PHKA1: variants seen among roughly 807,000 people sequenced by gnomAD.
PHKA1 encodes phosphorylase b kinase regulatory subunit alpha, skeletal muscle isoform.
PHKA1 carries 60 observed loss-of-function variants against 110.2 expected under a neutral mutation model. The observed-to-expected ratio is 0.54, with a 90% confidence interval of 0.44 to 0.68. PHKA1 has a LOEUF of 0.68. PHKA1 is among the 30% of genes least tolerant of loss of function. The pLI is 0.00. For synonymous variants in PHKA1, 316 were observed against 333.6 expected (o/e 0.95, Z 0.58); for missense variants, 801 against 942.5 (o/e 0.85, Z 1.97).
At position 72,602,129 on chromosome X, in the gene PHKA1, C is replaced by T. The variant is rs782094563; in HGVS notation, c.3033+29G>A. Reference sequence around the variant, plus strand: ...AGAATGTTCTGAAACATGGCAATATCCCAGCTAATCTCCCAGGTAGTATCT... The same window carrying T: ...AGAATGTTCTGAAACATGGCAATATTCCAGCTAATCTCCCAGGTAGTATCT... On this transcript the variant is annotated intron_variant, in intron 27 of 31. Coordinates refer to ENST00000373542, the MANE Select transcript of PHKA1 (RefSeq NM_002637.4). The T allele has an allele frequency of 1.0e-5, 11 of 1,063,092 alleles. No individual in the cohort carries two copies. The South Asian group carries it at 2.1e-4, about 20-fold the overall frequency. 87.6% of individuals were successfully genotyped at this position (1,063,092 alleles called of 1,213,427 possible).
chrX:72,713,721 C>CGGAGTTCA, intron 1 of PHKA1, 82 bp downstream of exon 1: 1 of 751,650 alleles, frequency 1.3e-6, no homozygotes, highest in South Asian at 2.2e-5. Context: ...CACGCACGCA[C>CGGAGTTCA]GGAGTTCATC....
chrX:72,605,676 T>C, intron 23 of PHKA1, 57 bp from the exon 24 acceptor site: 2 of 908,743 alleles, frequency 2.2e-6, no homozygotes, highest in Non-Finnish European at 3.2e-6. Flanking sequence ...ATCTTAAATA[T>C]GTTGAAAAAA....
chrX:72,698,145 T>G (rs1556328166), intron 3 of PHKA1, among the ~76,000 whole-genome samples: 1 of 109,848 alleles, frequency 9.1e-6, no homozygotes, highest in African/African-American at 3.3e-5. Flanking sequence ...AGCTGACAAC[T>G]GTGTAGGGTT....
At chrX:72,682,523 GC>G (rs2053914473) in intron 5 of PHKA1, among the ~76,000 whole-genome samples, 1 of 108,708 alleles carries the variant, frequency 9.2e-6, no homozygotes, top group Non-Finnish European at 1.9e-5. Flanking sequence ...TCGGATGGTT[GC>G]CGTGTCTGTG....
chrX:72,659,252 T>C (rs1455774858), intron 8 of PHKA1, among the ~76,000 whole-genome samples: 1 of 111,606 alleles, frequency 9.0e-6, no homozygotes, highest in African/African-American at 3.3e-5. Context: ...GAAGCACTTT[T>C]CAGATGGTTC....
intron 26 of PHKA1, among the ~76,000 whole-genome samples, chrX:72,602,896 A>T (rs1457349258): frequency 1.8e-5 from 2 of 112,167 alleles, no homozygotes; most frequent in Non-Finnish European, 3.8e-5. Flanking sequence ...AACAGTTAAA[A>T]ATGAAACATG....
intron 5 of PHKA1, among the ~76,000 whole-genome samples, chrX:72,683,437 G>C (rs781809041): frequency 1.4e-4 from 15 of 109,813 alleles, no homozygotes; most frequent in South Asian, 3.8e-4. Context: ...AACAGAAACA[G>C]AAATGGAAAC....
chrX:72,580,883 G>C lies in PHKA1; in HGVS notation c.*119C>G. ...GAAAAAGTTCTCTCTTCTTGGGAAG[G>C]ATGGGACAGAAAGGGGCAGGGTTGG... is the stretch of plus-strand genomic sequence containing the variant. On this transcript the variant is annotated 3_prime_UTR_variant, in exon 32 of 32. Transcript: ENST00000373542. 1 of 653,154 alleles carries C rather than the reference G, an allele frequency of 1.5e-6. No individual in the cohort carries two copies. The highest frequency in any genetic ancestry group is 2.5e-6 in the Non-Finnish European group (1 of 406,007). 53.8% of individuals were successfully genotyped at this position (653,154 alleles called of 1,213,427 possible).
At position 72,699,365 on chromosome X, in the gene PHKA1, G is replaced by A. The variant is rs782715531; in HGVS notation, c.286-3489C>T. 3.7e-5 allele frequency among the ~76,000 whole-genome samples: 4 copies of A among 107,850 alleles called. No homozygotes were observed. The South Asian group carries it at 1.7e-3, about 45-fold the overall frequency. 93.7% of individuals were successfully genotyped at this position (107,850 alleles called of 115,157 possible). A position where few individuals can be genotyped will look rare whatever the true frequency, so the allele number is the denominator to read the frequency against. ...TAAAAATACAAAAAAAAATTAGCTG[G>A]GTGTGGTGGCGTGCTTGCCTGTAGT... On this transcript the variant is annotated intron_variant, in intron 3 of 31. Transcript: ENST00000373542.
rs7876579 is a variant in PHKA1, at chrX:72,695,564, A to T, written c.454+144T>A. On this transcript the variant is annotated intron_variant, in intron 4 of 31. Coordinates refer to ENST00000373542, the MANE Select transcript of PHKA1 (RefSeq NM_002637.4). ...CCTAGCCCTTCTTTGCCATCTCATG[A>T]TATCTGAGAATTAATAAATAATAAA... 1.5e-4 allele frequency: 84 copies of T among 568,722 alleles called. No homozygotes were observed. In the African/African-American group the frequency reaches 1.9e-3, roughly 13 times the overall value. The allele number at this position is 568,722 out of a possible 1,213,427, so 46.9% of individuals were successfully genotyped here. A position where few individuals can be genotyped will look rare whatever the true frequency, so the allele number is the denominator to read the frequency against.
At chrX:72,634,566 C>CA (rs782406506) in intron 16 of PHKA1, among the ~76,000 whole-genome samples, 418 of 50,357 alleles carry the variant, frequency 8.3e-3, no homozygotes, top group Non-Finnish European at 0.01. Flanking sequence ...GAAATCCAGT[C>CA]AAAAAAAAAA....
chrX:72,591,120 T>A (rs2052513854), intron 29 of PHKA1, among the ~76,000 whole-genome samples: 2 of 112,040 alleles, frequency 1.8e-5, no homozygotes, highest in African/African-American at 6.5e-5. Context: ...CATGTATGTT[T>A]ATTGCGGCAC....
At chrX:72,604,083 T>G (rs1556247354) in intron 25 of PHKA1, among the ~76,000 whole-genome samples, 1 of 110,025 alleles carries the variant, frequency 9.1e-6, no homozygotes, top group Non-Finnish European at 1.9e-5. Context: ...CAGGCTAAAT[T>G]AAGGAAAAGT....
At chrX:72,607,329 A>G (rs1159567964) in intron 23 of PHKA1, among the ~76,000 whole-genome samples, 4 of 111,752 alleles carry the variant, frequency 3.6e-5, no homozygotes, top group African/African-American at 9.8e-5. Flanking sequence ...TACTAATTAC[A>G]TTCCTACCAA....
chrX:72,581,246 G>T, intron 31 of PHKA1, 71 bp from the exon 32 acceptor site: 1 of 684,937 alleles, frequency 1.5e-6, no homozygotes, highest in Non-Finnish European at 2.4e-6. Context: ...GTAAAGTCCT[G>T]ATTAGCATAA....
intron 21 of PHKA1, 151 bp downstream of exon 21, chrX:72,618,559 A>G (rs1490992473): frequency 1.3e-5 from 6 of 465,610 alleles, no homozygotes; most frequent in Non-Finnish European, 2.3e-5. Flanking sequence ...ATAAATGAGG[A>G]CAACTGAGGG....
chrX:72,684,287 G>C (rs1363302938), intron 5 of PHKA1, among the ~76,000 whole-genome samples: 1 of 111,439 alleles, frequency 9.0e-6, no homozygotes, highest in African/African-American at 3.3e-5. Flanking sequence ...TGAAAGTATA[G>C]CATCCTGACC....
chrX:72,608,816 T>C (rs1403144043), intron 23 of PHKA1, among the ~76,000 whole-genome samples: 1 of 111,485 alleles, frequency 9.0e-6, no homozygotes, highest in Non-Finnish European at 1.9e-5. Flanking sequence ...TTTAACTACA[T>C]TGGCTACAGA....
intron 21 of PHKA1, among the ~76,000 whole-genome samples, chrX:72,613,111 G>A (rs1397430780): frequency 9.0e-6 from 1 of 111,470 alleles, no homozygotes; most frequent in Non-Finnish European, 1.9e-5. Flanking sequence ...CTGCCTGGCT[G>A]AACACAGGCA....
Sources: gnomAD v4.1 joint callset for allele counts (sites outside exome capture counted in the v4.1 genomes callset) on GRCh38, gnomAD v4.1.1 for gene constraint, MANE v1.5 for transcripts, NCBI Gene and HGNC (gene_info 2026-07-23, HGNC 2026-07-21) for gene names.